NPEPL1: variants seen among roughly 807,000 people sequenced by gnomAD.
NPEPL1 encodes probable aminopeptidase NPEPL1.
NPEPL1 carries 45 observed loss-of-function variants against 52.4 expected under a neutral mutation model. The ratio of observed to expected loss-of-function variants is 0.86; its 90% confidence interval spans 0.68 to 1.10. NPEPL1 has a LOEUF of 1.10. Among genes scored for constraint, NPEPL1 ranks in the 50% least tolerant of loss-of-function variants. NPEPL1 has a pLI of 0.00. For synonymous variants in NPEPL1, 360 were observed against 314.7 expected (o/e 1.14, Z -1.52); for missense variants, 696 against 710.9 (o/e 0.98, Z 0.24).
rs1455772785 is a variant in NPEPL1 at position 58,713,627 on chromosome 20, C to T, written c.1125+84C>T. 18 of 1,446,974 alleles carry T rather than the reference C, an allele frequency of 1.2e-5. No homozygotes were observed. Among genetic ancestry groups the T allele is most frequent in the Admixed American group, 5.3e-5 (2 of 37,734 alleles). The allele number at this position is 1,446,974 out of a possible 1,614,324, so 89.6% of individuals were successfully genotyped here. The stretch of plus-strand genomic sequence containing the variant: ...TGACCTCAAGGTGGGGAAGGCAGCG[C>T]GTGGGGGCTGCCGTCAGGAAGTTTT... On this transcript the variant is annotated intron_variant, in intron 9 of 11. Coordinates refer to ENST00000356091, the MANE Select transcript of NPEPL1 (RefSeq NM_024663.4). This position sits in a 1 kb window ranked among gnomAD's most constrained non-coding sequence, Gnocchi z 4.6.
intron 7 of NPEPL1, among the ~76,000 whole-genome samples, chr20:58,708,235 G>T (rs556417013): frequency 1.3e-5 from 2 of 152,352 alleles, no homozygotes; most frequent in African/African-American, 4.8e-5. Context: ...AATCTGGAGG[G>T]TCCTGCTCCT....
At chr20:58,701,238 C>CA in intron 6 of NPEPL1, 80 bp downstream of exon 6, 1 of 127,206 alleles carries the variant, frequency 7.9e-6, no homozygotes, top group Non-Finnish European at 1.4e-5. Context: ...CTCCCGGGTG[C>CA]CCTGGGGGTG....
intron 6 of NPEPL1, chr20:58,704,244 A>G (rs972742253): frequency 1.5e-5 from 15 of 985,206 alleles, no homozygotes; most frequent in Non-Finnish European, 1.8e-5. Flanking sequence ...TCACTCCTCA[A>G]AAAGCAAGCC....
chr20:58,703,608 T>C, intron 6 of NPEPL1: 2 of 985,344 alleles, frequency 2.0e-6, no homozygotes, highest in Non-Finnish European at 2.4e-6. Flanking sequence ...ATGAGCTTCC[T>C]GGGAATTCAT....
At chr20:58,695,639 G>T (rs1445479546) in intron 3 of NPEPL1, among the ~76,000 whole-genome samples, 2 of 152,170 alleles carry the variant, frequency 1.3e-5, no homozygotes, top group Non-Finnish European at 2.9e-5. Flanking sequence ...TCCCACATCA[G>T]CACTTGGGCC....
At chr20:58,704,539 T>A in intron 6 of NPEPL1, 1 of 303,134 alleles carries the variant, frequency 3.3e-6, no homozygotes, top group Non-Finnish European at 4.9e-6. Context: ...AATAATTTTA[T>A]GAAGATAAGC....
chr20:58,704,484 A>G, intron 6 of NPEPL1: 1 of 520,482 alleles, frequency 1.9e-6, no homozygotes, highest in Non-Finnish European at 2.4e-6. Flanking sequence ...TATAACATGT[A>G]TAATTCATTA....
chr20:58,693,824 C>T lies in NPEPL1; in HGVS notation c.238C>T (p.Pro80Ser). Reference protein sequence around the residue: ...YLNYATVAALPCRVSRHNSPS... With the variant: ...YLNYATVAALSCRVSRHNSPS... ...GAACTACGCCACCGTGGCTGCCCTG[C>T]CCTGCAGGGTGAGCCGGCACAACAG... Residue 80 changes from proline (P) to serine (S), a missense_variant, in exon 2 of 12, where the codon CCC becomes TCC. By Grantham distance (74) the Pro-to-Ser change is moderately conservative. Coordinates refer to ENST00000356091, the MANE Select transcript of NPEPL1 (RefSeq NM_024663.4). 6.2e-7 allele frequency: 1 copy of T among 1,613,748 alleles called. No homozygotes were observed. Among genetic ancestry groups the T allele is most frequent in the Non-Finnish European group, 8.5e-7 (1 of 1,179,814 alleles).
intron 6 of NPEPL1, chr20:58,705,588 A>G (rs1188939978): frequency 2.2e-6 from 1 of 454,576 alleles, no homozygotes; most frequent in Admixed American, 2.4e-5. Flanking sequence ...CAGCCCCGTG[A>G]AAAAGGCAGA....
At chr20:58,702,954 G>T (rs548049282) in intron 6 of NPEPL1, among the ~76,000 whole-genome samples, 24 of 152,350 alleles carry the variant, frequency 1.6e-4, no homozygotes, top group Non-Finnish European at 2.5e-4. Context: ...TTTGGACACA[G>T]TAACTCCAAG....
At chr20:58,695,699 C>T (rs2084473942) in intron 3 of NPEPL1, among the ~76,000 whole-genome samples, 1 of 152,222 alleles carries the variant, frequency 6.6e-6, no homozygotes, top group Non-Finnish European at 1.5e-5. Flanking sequence ...AACCACTGCC[C>T]CTCAACCCAA....
At chr20:58,708,082 T>C (rs1371702812) in intron 7 of NPEPL1, among the ~76,000 whole-genome samples, 1 of 152,086 alleles carries the variant, frequency 6.6e-6, no homozygotes, top group Non-Finnish European at 1.5e-5. Flanking sequence ...AGACCCTGTC[T>C]AAAGAAACAG....
At position 58,714,036 on chromosome 20, in the gene NPEPL1, C is replaced by T. The variant is rs752876660; in HGVS notation, c.1245C>T (p.Pro415=). ...TGGTGCACCCGCTGGTCTACTGCCC[C>T]GAGCTGCACTTCAGCGAGTTCACCT... ...GDLVHPLVYC[P]ELHFSEFTSA... Residue 415 remains proline (P), a synonymous_variant, in exon 10 of 12, where the codon CCC becomes CCT. Transcript: ENST00000356091. 9 of 1,539,490 alleles carry T rather than the reference C, an allele frequency of 5.8e-6. No individual in the cohort carries two copies. The highest frequency in any genetic ancestry group is 2.4e-5 in the South Asian group (2 of 81,850).
At position 58,714,680 on chromosome 20, in the gene NPEPL1, TC is replaced by T. The variant is rs1568863245; in HGVS notation, c.1413+14del. On this transcript the variant is annotated intron_variant, in intron 11 of 11. Transcript: ENST00000356091. Reference sequence around the variant, plus strand: ...TGCACCGGTGCATGCTGTGAGTGTCTCCCCTCCCCACTGGCCCTGGCTGCTC... The same window carrying T: ...TGCACCGGTGCATGCTGTGAGTGTCTCCCTCCCCACTGGCCCTGGCTGCTC... 2.5e-6 allele frequency: 4 copies of T among 1,570,656 alleles called. No homozygotes were observed. The Admixed American group carries it at 5.4e-5, about 21-fold the overall frequency.
In NPEPL1 at chr20:58,713,358, G is replaced by T; in HGVS notation, c.1002-62G>T. ...CAAATGGGGTCTCCCCAGTTTCAAA[G>T]GGGCTCATGCCAGTGTCCCAGGAAA... On this transcript the variant is annotated intron_variant, in intron 8 of 11. Coordinates refer to ENST00000356091, the MANE Select transcript of NPEPL1 (RefSeq NM_024663.4). The surrounding 1 kb of genome is among the most constrained non-coding windows in gnomAD (Gnocchi z 4.6). The T allele has an allele frequency of 6.6e-7, 1 of 1,507,948 alleles. No homozygotes were observed. The highest frequency in any genetic ancestry group is 2.4e-5 in the East Asian group (1 of 41,220). 93.4% of individuals were successfully genotyped at this position (1,507,948 alleles called of 1,614,324 possible).
chr20:58,689,632 CT>C (rs1192871858), upstream of NPEPL1, among the ~76,000 whole-genome samples: 1 of 152,178 alleles, frequency 6.6e-6, no homozygotes, highest in Non-Finnish European at 1.5e-5. Context: ...TGAACAATTC[CT>C]TGGTCAGGGA....
Position 58,701,161 on chromosome 20 carries a change from G to A in NPEPL1, c.822+3G>A, listed in dbSNP as rs762575992. The stretch of plus-strand genomic sequence containing the variant: ...GAGGCCTCAGCATCAAAGGGAAGGT[G>A]AGGTGCGGGCTGGCTCTCAGGGTGC... On this transcript the variant is annotated splice_donor_region_variant and intron_variant, in intron 6 of 11. Transcript: ENST00000356091. 2.6e-6 allele frequency: 4 copies of A among 1,557,302 alleles called. No homozygotes were observed. The African/African-American group carries it at 5.5e-5, about 22-fold the overall frequency.
intron 8 of NPEPL1, 51 bp downstream of exon 8, chr20:58,712,630 C>A: frequency 7.5e-7 from 1 of 1,331,602 alleles, no homozygotes; most frequent in Non-Finnish European, 1.1e-6. Context: ...ACTCGCGACC[C>A]TTCCCGGCCT....
Position 58,713,174 on chromosome 20 carries a change from C to T in NPEPL1, c.1002-246C>T, listed in dbSNP as rs1006760512. 21 of 486,776 alleles carry T rather than the reference C, an allele frequency of 4.3e-5. No individual in the cohort carries two copies. In the South Asian group the frequency reaches 5.8e-4, roughly 13 times the overall value. 30.2% of individuals were successfully genotyped at this position (486,776 alleles called of 1,614,324 possible). A position where few individuals can be genotyped will look rare whatever the true frequency, so the allele number is the denominator to read the frequency against. On this transcript the variant is annotated intron_variant, in intron 8 of 11. Coordinates refer to ENST00000356091, the MANE Select transcript of NPEPL1 (RefSeq NM_024663.4). The surrounding 1 kb of genome is among the most constrained non-coding windows in gnomAD (Gnocchi z 4.6). ...AAGAAGAAACTGAGGCATGGGAGAG[C>T]CAAATGGCTGGTCTCTGGCTCTCCA...
Sources: allele counts gnomAD v4.1 joint callset (sites outside exome capture counted in the v4.1 genomes callset), GRCh38; gene constraint gnomAD v4.1.1; non-coding constraint Gnocchi (gnomAD v3.1); transcripts MANE v1.5; gene names NCBI Gene and HGNC (gene_info 2026-07-23, HGNC 2026-07-21).